The following RASAL2 variants were observed in gnomAD, a reference collection of about 807,000 sequenced individuals.
RASAL2 encodes the protein ras GTPase-activating protein nGAP.
Under a neutral mutation model 128.9 loss-of-function variants are expected in RASAL2, and 58 were observed. The ratio of observed to expected loss-of-function variants is 0.45; its 90% CI spans 0.36 to 0.56. The LOEUF is 0.56. Among genes scored for constraint, RASAL2 ranks in the 20% least tolerant of loss-of-function variants. The probability of loss-of-function intolerance (pLI) is 0.00; values close to 1 mark genes in which losing one functional copy is unlikely to be tolerated. For missense variants in RASAL2, 1,360 were observed against 1,601.6 expected (o/e 0.85, Z 2.57); for synonymous variants, 561 against 580.8 (o/e 0.97, Z 0.49).
At chr1:178,296,526 A>G (rs1045960626) in intron 2 of RASAL2, among the ~76,000 whole-genome samples, 3 of 151,540 alleles carry the variant, frequency 2.0e-5, no homozygotes, top group Non-Finnish European at 4.4e-5. Context: ...CAACTGGCTG[A>G]TTTTTATTTT....
intron 3 of RASAL2, among the ~76,000 whole-genome samples, chr1:178,312,618 A>G (rs1382443405): frequency 6.6e-6 from 1 of 152,196 alleles, no homozygotes; most frequent in Non-Finnish European, 1.5e-5. Context: ...GTAGAATGCT[A>G]AAGACAGAAC....
intron 1 of RASAL2, among the ~76,000 whole-genome samples, chr1:178,260,371 T>A (rs371336327): frequency 0.35 from 968 of 2,768 alleles, 293 homozygotes; most frequent in African/African-American, 0.44. Flanking sequence ...AAAATATATA[T>A]ATATATATAT....
At chr1:178,449,381 A>G (rs957460963) in intron 9 of RASAL2, among the ~76,000 whole-genome samples, 1 of 152,142 alleles carries the variant, frequency 6.6e-6, no homozygotes, top group Non-Finnish European at 1.5e-5. Flanking sequence ...TTCCACTTGT[A>G]GCAGTGGAGG....
At chr1:178,206,819 A>G (rs1229220472) in intron 1 of RASAL2, among the ~76,000 whole-genome samples, 1 of 152,210 alleles carries the variant, frequency 6.6e-6, no homozygotes, top group African/African-American at 2.4e-5. Flanking sequence ...AAGTTCATCA[A>G]TAGTGGAATG....
chr1:178,431,461 G>C (rs1675894628), intron 5 of RASAL2, among the ~76,000 whole-genome samples: 1 of 152,064 alleles, frequency 6.6e-6, no homozygotes, highest in African/African-American at 2.4e-5. Context: ...GAAGATAGCA[G>C]GTAGAAACAT....
At chr1:178,172,027 C>A (rs1661722207) in intron 1 of RASAL2, among the ~76,000 whole-genome samples, 1 of 151,820 alleles carries the variant, frequency 6.6e-6, no homozygotes, top group Non-Finnish European at 1.5e-5. Context: ...TCCATTCATT[C>A]ATTCATTGAT....
At chr1:178,146,687 TA>T (rs1256134313) in intron 1 of RASAL2, among the ~76,000 whole-genome samples, 1 of 152,252 alleles carries the variant, frequency 6.6e-6, no homozygotes, top group Non-Finnish European at 1.5e-5. Flanking sequence ...GGCATTTGAA[TA>T]ATGAATTAAC....
chr1:178,381,215 G>A (rs144172362), intron 3 of RASAL2, among the ~76,000 whole-genome samples: 6 of 152,308 alleles, frequency 3.9e-5, no homozygotes, highest in South Asian at 2.1e-4. Context: ...CATCCAGAAA[G>A]TAATGTTTTA....
At chr1:178,464,142 A>C in intron 14 of RASAL2, 136 bp from the exon 15 acceptor site, 1 of 1,080,032 alleles carries the variant, frequency 9.3e-7, no homozygotes, top group Non-Finnish European at 1.3e-6. Flanking sequence ...GGCATTAGTA[A>C]AATAATACTT....
chr1:178,283,637 G>C lies in RASAL2; in HGVS notation c.276G>C (p.Arg92=), dbSNP rs1666890647. 1.9e-6 allele frequency: 3 copies of C among 1,613,794 alleles called. No homozygotes were observed. In the African/African-American group the frequency reaches 4.0e-5, roughly 22 times the overall value. Residue 92 remains arginine (R), a synonymous_variant, in exon 2 of 18, where the codon CGG becomes CGC. Transcript: ENST00000367649. ...ACACCGAGACAACAACGTGGGAGCG[G>C]AAGTATTGCATCCTCACAGACAGCC... The part of the protein sequence containing the change: ...SPYTETTTWE[R]KYCILTDSQL...
At chr1:178,203,184 G>T (rs758264803) in intron 1 of RASAL2, among the ~76,000 whole-genome samples, 1 of 152,164 alleles carries the variant, frequency 6.6e-6, no homozygotes, top group Non-Finnish European at 1.5e-5. Context: ...TGGACTCAAG[G>T]AATGCCTTAT....
At chr1:178,216,051 C>G (rs1663411567) in intron 1 of RASAL2, among the ~76,000 whole-genome samples, 1 of 152,096 alleles carries the variant, frequency 6.6e-6, no homozygotes, top group African/African-American at 2.4e-5. Flanking sequence ...AGACTTTTTG[C>G]TCTAATAATC....
At chr1:178,103,769 A>T (rs1300173667) in intron 1 of RASAL2, among the ~76,000 whole-genome samples, 5 of 152,124 alleles carry the variant, frequency 3.3e-5, no homozygotes, top group Non-Finnish European at 7.4e-5. Flanking sequence ...TTAGTATTTA[A>T]GTAAAGAACC....
At chr1:178,325,967 T>C (rs1375304202) in intron 3 of RASAL2, among the ~76,000 whole-genome samples, 1 of 152,122 alleles carries the variant, frequency 6.6e-6, no homozygotes, top group Admixed American at 6.6e-5. Context: ...GGTGTGTGCC[T>C]GTAGTCCCAG....
intron 1 of RASAL2, among the ~76,000 whole-genome samples, chr1:178,255,456 A>G (rs1378759446): frequency 6.6e-6 from 1 of 152,150 alleles, no homozygotes; most frequent in Non-Finnish European, 1.5e-5. Flanking sequence ...ATGGGTGGGA[A>G]TAAAGCTGTA....
intron 1 of RASAL2, among the ~76,000 whole-genome samples, chr1:178,156,511 T>C (rs991306889): frequency 1.3e-5 from 2 of 152,176 alleles, no homozygotes; most frequent in Admixed American, 1.3e-4. Flanking sequence ...TTAGGGAAGA[T>C]GTATATTTTC....
At chr1:178,190,736 TAAAAAA>T (rs34917770) in intron 1 of RASAL2, among the ~76,000 whole-genome samples, 3 of 148,860 alleles carry the variant, frequency 2.0e-5, no homozygotes, top group Non-Finnish European at 4.5e-5. Flanking sequence ...ATTTCATAGT[TAAAAAA>T]AAAAAAAATC....
rs553351630 is a variant in RASAL2 at position 178,444,532 on chromosome 1, A to G, written c.1483-986A>G. 1.5e-4 allele frequency among the ~76,000 whole-genome samples: 23 copies of G among 152,328 alleles called. No homozygotes were observed. In the South Asian group the frequency reaches 2.5e-3, roughly 16 times the overall value. On this transcript the variant is annotated intron_variant, in intron 8 of 17. Transcript: ENST00000367649. ...GCATTTGCAGCCCTTGAAATATCCAATAATTATATAGCATTCAAAATATAT... is the reference window on the plus strand; with the variant it reads ...GCATTTGCAGCCCTTGAAATATCCAGTAATTATATAGCATTCAAAATATAT...
chr1:178,189,425 A>C (rs1009157934), intron 1 of RASAL2, among the ~76,000 whole-genome samples: 1 of 152,234 alleles, frequency 6.6e-6, no homozygotes, highest in Non-Finnish European at 1.5e-5. Context: ...CAGAGAATTC[A>C]TCCTGAGTCA....
Sources: allele counts gnomAD v4.1 joint callset (sites outside exome capture counted in the v4.1 genomes callset), GRCh38; gene constraint gnomAD v4.1.1; transcripts MANE v1.5; gene names NCBI Gene and HGNC (gene_info 2026-07-23, HGNC 2026-07-21).